Variants in NR3C2 observed in about 807,000 individuals in gnomAD.
The protein encoded by NR3C2 is nuclear receptor subfamily 3 group C member 2, also known as mineralocorticoid receptor.
A neutral mutation model predicts 86.4 loss-of-function variants in NR3C2; 15 were observed. The ratio of observed to expected loss-of-function variants is 0.17; its 90% CI spans 0.12 to 0.27. The LOEUF is 0.27. Among genes scored for constraint, NR3C2 ranks in the 10% least tolerant of loss-of-function variants. The probability of loss-of-function intolerance (pLI) is 1.00; values close to 1 mark genes in which losing one functional copy is unlikely to be tolerated. For synonymous variants in NR3C2, 458 were observed against 450.5 expected (o/e 1.02, Z -0.21); for missense variants, 960 against 1,195.6 (o/e 0.80, Z 2.91).
intron 6 of NR3C2, among the ~76,000 whole-genome samples, chr4:148,130,860 A>G (rs376520507): frequency 1.4e-4 from 18 of 126,284 alleles, no homozygotes; most frequent in African/African-American, 5.4e-4. Context: ...GTCTCGCTCT[A>G]TCGCCCAGGC....
intron 8 of NR3C2, among the ~76,000 whole-genome samples, chr4:148,106,167 T>A (rs1032877370): frequency 1.3e-5 from 2 of 152,188 alleles, no homozygotes; most frequent in African/African-American, 4.8e-5. Flanking sequence ...CAGCAAAGTC[T>A]CAGGATATAA....
chr4:148,094,207 A>G (rs937333118), intron 8 of NR3C2, among the ~76,000 whole-genome samples: 2 of 152,202 alleles, frequency 1.3e-5, no homozygotes, highest in Non-Finnish European at 2.9e-5. Context: ...CAGGCATTCA[A>G]AAAACAGTGG....
chr4:148,202,111 T>C (rs762778611), intron 3 of NR3C2, among the ~76,000 whole-genome samples: 1 of 152,226 alleles, frequency 6.6e-6, no homozygotes, highest in Non-Finnish European at 1.5e-5. Flanking sequence ...ATTGGGAACA[T>C]AGCCTTTTAC....
At chr4:148,174,412 G>A (rs1735273339) in intron 4 of NR3C2, among the ~76,000 whole-genome samples, 2 of 152,204 alleles carry the variant, frequency 1.3e-5, no homozygotes, top group African/African-American at 4.8e-5. Flanking sequence ...CCTCTATGGA[G>A]TGACAACGAG....
intron 2 of NR3C2, among the ~76,000 whole-genome samples, chr4:148,336,459 C>CGAACTTGGATAAATGG (rs1744493141): frequency 6.6e-6 from 1 of 152,016 alleles, no homozygotes; most frequent in Non-Finnish European, 1.5e-5. Context: ...ATGATTTAGC[C>CGAACTTGGATAAATGG]GAACTTGGAT....
chr4:148,125,584 C>CT (rs934084609), intron 6 of NR3C2, among the ~76,000 whole-genome samples: 47 of 149,458 alleles, frequency 3.1e-4, no homozygotes, highest in Middle Eastern at 3.5e-3. Flanking sequence ...ATATTTAAGA[C>CT]TTTTTTTTTT....
At chr4:148,423,084 C>T (rs77896282) in intron 2 of NR3C2, among the ~76,000 whole-genome samples, 239 of 152,222 alleles carry the variant, frequency 1.6e-3, no homozygotes, top group African/African-American at 5.6e-3. Context: ...ATTTACCTCT[C>T]GCTCACCATC....
intron 2 of NR3C2, among the ~76,000 whole-genome samples, chr4:148,341,913 C>T (rs1417928306): frequency 6.6e-6 from 1 of 152,114 alleles, no homozygotes; most frequent in Non-Finnish European, 1.5e-5. Flanking sequence ...TATACCCAAA[C>T]CCTGCCTATT....
intron 4 of NR3C2, among the ~76,000 whole-genome samples, chr4:148,184,172 T>C (rs573692222): frequency 6.6e-4 from 100 of 152,036 alleles, no homozygotes; most frequent in Non-Finnish European, 1.1e-3. Context: ...AAGGATAGGC[T>C]GGGTGCGGTA....
chr4:148,142,442 G>A, intron 6 of NR3C2, among the ~76,000 whole-genome samples: 1 of 152,288 alleles, frequency 6.6e-6, no homozygotes, highest in South Asian at 2.1e-4. Context: ...GTAATCCTCA[G>A]TGTTGGAGGT....
intron 3 of NR3C2, among the ~76,000 whole-genome samples, chr4:148,247,056 G>T (rs149471645): frequency 7.7e-4 from 117 of 152,208 alleles, no homozygotes; most frequent in African/African-American, 2.6e-3. Flanking sequence ...AAAGGATAAA[G>T]AGAAAAGCAC....
intron 3 of NR3C2, among the ~76,000 whole-genome samples, chr4:148,254,530 C>T (rs1305389992): frequency 3.3e-5 from 5 of 152,106 alleles, no homozygotes; most frequent in Admixed American, 2.6e-4. Context: ...CCATAACAAC[C>T]AACTGAAGGG....
chr4:148,380,626 T>C (rs368294891), intron 2 of NR3C2, among the ~76,000 whole-genome samples: 15 of 152,344 alleles, frequency 9.8e-5, no homozygotes, highest in African/African-American at 2.9e-4. Flanking sequence ...TCTTTGATTA[T>C]ACTCATCTTA....
At chr4:148,428,282 T>G (rs1409360364) in intron 2 of NR3C2, among the ~76,000 whole-genome samples, 1 of 152,190 alleles carries the variant, frequency 6.6e-6, no homozygotes, top group Non-Finnish European at 1.5e-5. Flanking sequence ...GACCATGATA[T>G]TCCTGCCAAA....
chr4:148,304,664 T>G (rs1175201164), intron 2 of NR3C2, among the ~76,000 whole-genome samples: 2 of 152,062 alleles, frequency 1.3e-5, no homozygotes, highest in Admixed American at 1.3e-4. Flanking sequence ...GGCAGTTAGA[T>G]GTACTACTTT....
intron 3 of NR3C2, among the ~76,000 whole-genome samples, chr4:148,236,144 G>GA (rs1738740556): frequency 6.6e-6 from 1 of 152,160 alleles, no homozygotes; most frequent in Admixed American, 6.5e-5. Flanking sequence ...GAGGAAGTGG[G>GA]AAAAAACCTG....
intron 2 of NR3C2, among the ~76,000 whole-genome samples, chr4:148,295,450 T>C (rs73854503): frequency 0.039 from 5,886 of 151,082 alleles, 368 homozygotes; most frequent in African/African-American, 0.13. Flanking sequence ...GTGTGCATGC[T>C]ACACTCTAGA....
At chr4:148,237,005 T>C (rs751849104) in intron 3 of NR3C2, among the ~76,000 whole-genome samples, 1 of 152,230 alleles carries the variant, frequency 6.6e-6, no homozygotes, top group South Asian at 2.1e-4. Flanking sequence ...GATTCTCTTT[T>C]ATAATTTTGT....
intron 2 of NR3C2, among the ~76,000 whole-genome samples, chr4:148,281,530 C>G (rs1265975190): frequency 6.6e-6 from 1 of 152,182 alleles, no homozygotes; most frequent in African/African-American, 2.4e-5. Context: ...TTGAAATACT[C>G]ATTATATATC....
Sources: allele counts gnomAD v4.1 joint callset (sites outside exome capture counted in the v4.1 genomes callset), GRCh38; gene constraint gnomAD v4.1.1; transcripts MANE v1.5; gene names NCBI Gene and HGNC (gene_info 2026-07-23, HGNC 2026-07-21).